TENM3: variants seen among roughly 807,000 people sequenced by gnomAD.
The protein encoded by TENM3 is teneurin transmembrane protein 3, also known as teneurin-3.
TENM3 carries 63 observed loss-of-function variants against 255.1 expected under a neutral mutation model. The ratio of observed to expected loss-of-function variants is 0.25; its 90% CI spans 0.20 to 0.30. The LOEUF is 0.30. Among genes scored for constraint, TENM3 ranks in the 10% least tolerant of loss-of-function variants. The pLI is 1.00. For synonymous variants in TENM3, 1,306 were observed against 1,322.3 expected (o/e 0.99, Z 0.27); for missense variants, 2,929 against 3,461.1 (o/e 0.85, Z 3.86).
At chr4:181,581,290 A>C in the TENM3 span, among the ~76,000 whole-genome samples, 4 of 151,982 alleles carry the variant, frequency 2.6e-5, no homozygotes, top group Admixed American at 1.3e-4. Flanking sequence ...AAAATACAGA[A>C]ATTACTCTGG....
At chr4:182,466,569 C>T (rs755187032) in intron 3 of TENM3, among the ~76,000 whole-genome samples, 7 of 151,974 alleles carry the variant, frequency 4.6e-5, no homozygotes, top group Admixed American at 1.3e-4. Context: ...TGGGCTCAAG[C>T]GATCCTCCTG....
At chr4:181,633,005 A>G in the TENM3 span, among the ~76,000 whole-genome samples, 1 of 152,208 alleles carries the variant, frequency 6.6e-6, no homozygotes, top group Admixed American at 6.5e-5. Context: ...GATTTTCTCC[A>G]TGACAAACAT....
chr4:182,738,158 G>A (rs1267027276), intron 17 of TENM3, among the ~76,000 whole-genome samples: 1 of 151,956 alleles, frequency 6.6e-6, no homozygotes, highest in Non-Finnish European at 1.5e-5. Flanking sequence ...CTCATGAAGG[G>A]GTGGTATGGG....
chr4:181,942,191 T>G, the TENM3 span, among the ~76,000 whole-genome samples: 10 of 151,966 alleles, frequency 6.6e-5, no homozygotes, highest in Non-Finnish European at 1.5e-4. Context: ...GACTTTGGTA[T>G]CAGTTGAAGA....
At chr4:182,598,326 T>C (rs994308244) in intron 3 of TENM3, among the ~76,000 whole-genome samples, 13 of 152,196 alleles carry the variant, frequency 8.5e-5, no homozygotes, top group Non-Finnish European at 1.6e-4. Flanking sequence ...CTCCTGATTG[T>C]GTTGTCAATT....
At chr4:182,185,032 G>A (rs575448725) in intron 1 of TENM3, among the ~76,000 whole-genome samples, 42 of 152,010 alleles carry the variant, frequency 2.8e-4, no homozygotes, top group African/African-American at 5.8e-4. Context: ...GCAGTGAGCC[G>A]AGACTGCGCT....
In TENM3 at chr4:182,718,380, C is replaced by G. The variant is rs557564544; in HGVS notation, c.2368+4147C>G. Among the ~76,000 whole-genome samples, 9 of 152,232 alleles carry G rather than the reference C, an allele frequency of 5.9e-5. 1 individual carries two copies. The South Asian group carries it at 1.9e-3, about 32-fold the overall frequency. ...ATTTCACTTCCTAATAACTCCACCA[C>G]AAAGAACACACACCTTTCTTCATGG... On this transcript the variant is annotated intron_variant, in intron 13 of 27. Transcript: ENST00000511685.
the TENM3 span, among the ~76,000 whole-genome samples, chr4:181,925,146 C>A: frequency 6.6e-6 from 1 of 152,098 alleles, no homozygotes; most frequent in Non-Finnish European, 1.5e-5. Context: ...TATTAAGAAG[C>A]ATGGTTGATT....
At chr4:181,761,368 T>A in the TENM3 span, among the ~76,000 whole-genome samples, 1 of 152,078 alleles carries the variant, frequency 6.6e-6, no homozygotes, top group African/African-American at 2.4e-5. Context: ...TAAACAACTG[T>A]GCAGCTACTT....
At chr4:182,263,377 TGGGTTAGAGGCCCAACTTAGGA>T (rs369920067) in intron 1 of TENM3, among the ~76,000 whole-genome samples, 31 of 152,092 alleles carry the variant, frequency 2.0e-4, no homozygotes, top group South Asian at 6.2e-4. Flanking sequence ...CGCTTGACCT[TGGGTTAGAGGCCCAACTTAGGA>T]GGGTTAGAGG....
the TENM3 span, among the ~76,000 whole-genome samples, chr4:181,968,615 A>G: frequency 1.3e-5 from 2 of 152,224 alleles, no homozygotes; most frequent in African/African-American, 4.8e-5. Flanking sequence ...AATGTTTTAA[A>G]TGAAAAGAAA....
the TENM3 span, among the ~76,000 whole-genome samples, chr4:181,487,873 A>G: frequency 3.3e-5 from 5 of 152,164 alleles, no homozygotes; most frequent in African/African-American, 1.2e-4. Flanking sequence ...TGCTAGCAGG[A>G]CCTGCCTCTG....
the TENM3 span, among the ~76,000 whole-genome samples, chr4:181,676,511 A>G: frequency 5.5e-3 from 819 of 149,682 alleles, 5 homozygotes; most frequent in African/African-American, 0.019. Flanking sequence ...TAGTTTTTCA[A>G]CCCTCCCCCT....
intron 1 of TENM3, among the ~76,000 whole-genome samples, chr4:182,224,343 G>A (rs1378302595): frequency 6.6e-6 from 1 of 152,124 alleles, no homozygotes; most frequent in African/African-American, 2.4e-5. Context: ...TATATTTCTG[G>A]CTGGAATTCT....
intron 24 of TENM3, among the ~76,000 whole-genome samples, chr4:182,780,623 T>C (rs1351308918): frequency 1.5e-5 from 2 of 137,502 alleles, no homozygotes; most frequent in Non-Finnish European, 3.1e-5. Flanking sequence ...GGGGATGGCA[T>C]TGAATCTGTA....
chr4:181,608,093 C>T, the TENM3 span, among the ~76,000 whole-genome samples: 1 of 152,090 alleles, frequency 6.6e-6, no homozygotes, highest in African/African-American at 2.4e-5. Context: ...TTTGTTGTCA[C>T]CTTTGGATAG....
In TENM3 at chr4:182,514,492, G is replaced by A. The variant is rs372804278; in HGVS notation, c.512-86432G>A. ...ATCTAGTGAGCAGTTATGAAGATGT[G>A]TCCTGAACAGTGGTTTTGAAACTTT... is the stretch of plus-strand genomic sequence containing the variant. On this transcript the variant is annotated intron_variant, in intron 3 of 27. Coordinates refer to ENST00000511685, the MANE Select transcript of TENM3 (RefSeq NM_001080477.4). Among the ~76,000 whole-genome samples the A allele has an allele frequency of 7.9e-5, 12 of 152,290 alleles. No homozygotes were observed. The East Asian group carries it at 1.4e-3, about 17-fold the overall frequency.
chr4:181,924,671 A>G, the TENM3 span, among the ~76,000 whole-genome samples: 3 of 152,314 alleles, frequency 2.0e-5, no homozygotes, highest in South Asian at 6.2e-4. Flanking sequence ...CATCTTTTAA[A>G]TAAGCTTCAT....
the TENM3 span, among the ~76,000 whole-genome samples, chr4:181,944,284 C>T: frequency 6.6e-6 from 1 of 152,110 alleles, no homozygotes; most frequent in Middle Eastern, 3.4e-3. Flanking sequence ...TTGGGGGGGT[C>T]CCAAGTCCTG....
Sources: allele counts gnomAD v4.1 joint callset (sites outside exome capture counted in the v4.1 genomes callset), GRCh38; gene constraint gnomAD v4.1.1; transcripts MANE v1.5; gene names NCBI Gene and HGNC (gene_info 2026-07-23, HGNC 2026-07-21).